Variants in NAV3 observed in about 807,000 individuals in gnomAD.
The protein encoded by NAV3 is pore membrane and/or filament interacting like protein 1.
NAV3 carries 87 observed loss-of-function variants against 244.7 expected under a neutral mutation model. The ratio of observed to expected loss-of-function variants is 0.36; its 90% CI spans 0.30 to 0.42. NAV3 has a LOEUF of 0.42. NAV3 is among the 20% of genes least tolerant of loss of function. The pLI is 1.00. For synonymous variants in NAV3, 1,126 were observed against 1,042.2 expected, an observed-to-expected ratio of 1.08 and a Z score of -1.55; for missense variants, 2,663 against 2,893.3, an observed-to-expected ratio of 0.92 and a Z score of 1.83.
intron 2 of NAV3, among the ~76,000 whole-genome samples, chr12:77,614,725 G>A (rs1010996187): frequency 4.6e-5 from 7 of 152,140 alleles, no homozygotes; most frequent in African/African-American, 1.7e-4. Flanking sequence ...TATGTAAATG[G>A]TAGTAGTAAA....
At chr12:78,001,912 A>C (rs1023023292) in intron 7 of NAV3, among the ~76,000 whole-genome samples, 1 of 152,206 alleles carries the variant, frequency 6.6e-6, no homozygotes, top group African/African-American at 2.4e-5. Flanking sequence ...GCCATTCAGA[A>C]ACTGACAATG....
At chr12:77,808,860 A>G (rs1872128598) in intron 2 of NAV3, among the ~76,000 whole-genome samples, 1 of 152,184 alleles carries the variant, frequency 6.6e-6, no homozygotes, top group Admixed American at 6.5e-5. Flanking sequence ...CCTTTCTTTC[A>G]GATATGCCGT....
intron 2 of NAV3, among the ~76,000 whole-genome samples, chr12:77,700,993 A>G (rs1875535457): frequency 6.6e-6 from 1 of 151,544 alleles, no homozygotes; most frequent in Non-Finnish European, 1.5e-5. Flanking sequence ...ATTAATAATG[A>G]TGAGGTTTAT....
chr12:77,593,027 C>CT (rs1376368481), intron 2 of NAV3, among the ~76,000 whole-genome samples: 3 of 152,074 alleles, frequency 2.0e-5, no homozygotes, highest in Admixed American at 2.0e-4. Flanking sequence ...GCATGAGTCT[C>CT]TAAGTTAAAG....
chr12:78,098,317 G>T (rs1954363777), intron 12 of NAV3, among the ~76,000 whole-genome samples: 1 of 151,840 alleles, frequency 6.6e-6, no homozygotes, highest in Non-Finnish European at 1.5e-5. Flanking sequence ...TAAGTTGTAG[G>T]CTGTCTTTAA....
intron 12 of NAV3, among the ~76,000 whole-genome samples, chr12:78,076,052 A>G (rs556642458): frequency 2.0e-5 from 3 of 152,228 alleles, no homozygotes; most frequent in East Asian, 3.9e-4. Context: ...TTCCCAATGC[A>G]CTTTTTCTCT....
At chr12:77,765,188 C>A (rs758075459) in intron 2 of NAV3, among the ~76,000 whole-genome samples, 1 of 152,194 alleles carries the variant, frequency 6.6e-6, no homozygotes, top group African/African-American at 2.4e-5. Flanking sequence ...ATCTGAATTC[C>A]TCATGCTCCA....
chr12:77,727,034 C>T (rs957500261), intron 2 of NAV3, among the ~76,000 whole-genome samples: 1 of 152,054 alleles, frequency 6.6e-6, no homozygotes, highest in Middle Eastern at 3.4e-3. Context: ...CTACAGCACT[C>T]ATCATGAATG....
At chr12:77,735,486 G>A (rs1276196097) in intron 2 of NAV3, among the ~76,000 whole-genome samples, 1 of 151,992 alleles carries the variant, frequency 6.6e-6, no homozygotes, top group African/African-American at 2.4e-5. Context: ...AAGGTTTTAA[G>A]CCCTCCTATA....
At chr12:78,173,414 C>T (rs1025241501) in intron 24 of NAV3, among the ~76,000 whole-genome samples, 1 of 151,500 alleles carries the variant, frequency 6.6e-6, no homozygotes, top group African/African-American at 2.4e-5. Context: ...TTCTGAAATA[C>T]TTTAATACTT....
chr12:78,151,953 A>G (rs1488318790), intron 22 of NAV3, among the ~76,000 whole-genome samples: 1 of 151,512 alleles, frequency 6.6e-6, no homozygotes, highest in African/African-American at 2.4e-5. Flanking sequence ...GTGTTCTATC[A>G]TAACGTAACA....
At chr12:77,620,169 T>G (rs1871311770) in intron 2 of NAV3, among the ~76,000 whole-genome samples, 1 of 152,188 alleles carries the variant, frequency 6.6e-6, no homozygotes, top group Non-Finnish European at 1.5e-5. Flanking sequence ...GTCCCTAACT[T>G]TGCCACTGAT....
chr12:77,778,243 C>G (rs1592674620), intron 2 of NAV3, among the ~76,000 whole-genome samples: 1 of 144,850 alleles, frequency 6.9e-6, no homozygotes, highest in South Asian at 2.3e-4. Context: ...TTCTTTCCTC[C>G]CCCCCGCCCC....
chr12:77,632,435 C>A (rs4761393), intron 2 of NAV3, among the ~76,000 whole-genome samples: 1 of 152,042 alleles, frequency 6.6e-6, no homozygotes, highest in Non-Finnish European at 1.5e-5. Flanking sequence ...ACGTGGATGG[C>A]GGCAGGCAAA....
chr12:77,984,463 A>C (rs1210606463), intron 5 of NAV3, among the ~76,000 whole-genome samples: 1 of 145,102 alleles, frequency 6.9e-6, no homozygotes, highest in Admixed American at 7.1e-5. Flanking sequence ...GTGCCTCCAG[A>C]GACTGTCAAG....
intron 2 of NAV3, among the ~76,000 whole-genome samples, chr12:77,686,355 A>G (rs1362131659): frequency 6.7e-6 from 1 of 150,358 alleles, no homozygotes; most frequent in African/African-American, 2.5e-5. Flanking sequence ...AGCCTCCCAG[A>G]ATGCTAGGAT....
chr12:78,048,690 G>C (rs531000375), intron 9 of NAV3, among the ~76,000 whole-genome samples: 11 of 152,294 alleles, frequency 7.2e-5, no homozygotes, highest in African/African-American at 2.4e-4. Flanking sequence ...CAGGAGGCAC[G>C]GGGGTCAGGG....
At chr12:77,592,470 T>C (rs757496285) in intron 2 of NAV3, among the ~76,000 whole-genome samples, 2 of 152,222 alleles carry the variant, frequency 1.3e-5, no homozygotes, top group Non-Finnish European at 1.5e-5. Context: ...TGTGTCACTC[T>C]GAAGCGATAA....
intron 2 of NAV3, among the ~76,000 whole-genome samples, chr12:77,592,521 C>A (rs1037613688): frequency 6.6e-6 from 1 of 152,084 alleles, no homozygotes; most frequent in Non-Finnish European, 1.5e-5. Context: ...TACAGACATC[C>A]AATCGTGCTC....
Sources: gnomAD v4.1 joint callset for allele counts (sites outside exome capture counted in the v4.1 genomes callset) on GRCh38, gnomAD v4.1.1 for gene constraint, MANE v1.5 for transcripts, NCBI Gene and HGNC (gene_info 2026-07-23, HGNC 2026-07-21) for gene names.